Variants in EPHA6 observed in about 807,000 individuals in gnomAD.
EPHA6 encodes EPH receptor A6, also known as ephrin type-A receptor 6.
In EPHA6, 50 loss-of-function variants were observed where a neutral mutation model predicts 112.0. That is an observed-to-expected ratio of 0.45 (90% CI 0.36 to 0.56). The LOEUF (loss-of-function observed/expected upper bound fraction) is 0.56. EPHA6 is among the 20% of genes least tolerant of loss of function. The pLI is 0.00. For missense variants in EPHA6, 1,280 were observed against 1,417.4 expected, an observed-to-expected ratio of 0.90 and a Z score of 1.56; for synonymous variants, 529 against 490.7, an observed-to-expected ratio of 1.08 and a Z score of -1.03.
At chr3:97,429,955 G>A (rs1021802014) in intron 6 of EPHA6, among the ~76,000 whole-genome samples, 22 of 152,284 alleles carry the variant, frequency 1.4e-4, no homozygotes, top group Non-Finnish European at 2.9e-4. Flanking sequence ...GAGAATCTCT[G>A]CTCTAGGCAC....
chr3:97,351,398 T>C (rs2083807785), intron 5 of EPHA6, among the ~76,000 whole-genome samples: 1 of 152,236 alleles, frequency 6.6e-6, no homozygotes, highest in South Asian at 2.1e-4. Context: ...CAAATTCTGT[T>C]ATTTTTGTTA....
At chr3:97,512,336 T>C (rs2092380264) in intron 10 of EPHA6, among the ~76,000 whole-genome samples, 1 of 152,206 alleles carries the variant, frequency 6.6e-6, no homozygotes. Flanking sequence ...AAACTTTCAG[T>C]ATATTAAAAC....
chr3:97,006,064 T>G (rs1001393465), intron 3 of EPHA6, among the ~76,000 whole-genome samples: 5 of 152,204 alleles, frequency 3.3e-5, no homozygotes, highest in African/African-American at 1.2e-4. Context: ...TCAGGGATAT[T>G]GGCCTGAAGT....
At chr3:97,088,652 T>C (rs2046976335) in intron 3 of EPHA6, among the ~76,000 whole-genome samples, 1 of 152,214 alleles carries the variant, frequency 6.6e-6, no homozygotes. Flanking sequence ...TCCACAGTCT[T>C]CTGTTCCTCC....
At chr3:97,010,788 G>A (rs1452916142) in intron 3 of EPHA6, among the ~76,000 whole-genome samples, 1 of 152,120 alleles carries the variant, frequency 6.6e-6, no homozygotes, top group African/African-American at 2.4e-5. Context: ...CCTCCAAGTA[G>A]CTGGGACTAC....
chr3:97,107,407 A>G (rs2047599915), intron 3 of EPHA6, among the ~76,000 whole-genome samples: 2 of 152,066 alleles, frequency 1.3e-5, no homozygotes, highest in South Asian at 4.1e-4. Context: ...CTTTTGTTAT[A>G]CATCACTTTC....
At chr3:97,641,237 G>T (rs532208044) in intron 14 of EPHA6, among the ~76,000 whole-genome samples, 3 of 152,120 alleles carry the variant, frequency 2.0e-5, no homozygotes, top group African/African-American at 7.2e-5. Flanking sequence ...ATGATCATTG[G>T]CATTCTGTCA....
intron 12 of EPHA6, among the ~76,000 whole-genome samples, chr3:97,604,114 C>T (rs1168541191): frequency 1.3e-5 from 2 of 151,448 alleles, no homozygotes; most frequent in East Asian, 1.9e-4. Flanking sequence ...TAATAATATA[C>T]CTATATATAA....
At chr3:97,549,019 A>T (rs1577736433) in intron 11 of EPHA6, among the ~76,000 whole-genome samples, 1 of 152,358 alleles carries the variant, frequency 6.6e-6, no homozygotes, top group East Asian at 1.9e-4. Context: ...ATAAACAAAC[A>T]TACTGCACTG....
At chr3:97,602,965 A>T (rs1389615413) in intron 12 of EPHA6, among the ~76,000 whole-genome samples, 2 of 151,996 alleles carry the variant, frequency 1.3e-5, no homozygotes, top group African/African-American at 4.8e-5. Flanking sequence ...TTATTACATA[A>T]CCACTTCCTT....
intron 1 of EPHA6, among the ~76,000 whole-genome samples, chr3:96,853,373 T>G (rs1234250999): frequency 1.3e-5 from 2 of 152,056 alleles, no homozygotes; most frequent in Non-Finnish European, 2.9e-5. Context: ...ATATTTAACT[T>G]CAAAGATGTT....
intron 3 of EPHA6, among the ~76,000 whole-genome samples, chr3:97,003,464 G>A (rs72918211): frequency 0.013 from 1,999 of 152,196 alleles, 47 homozygotes; most frequent in African/African-American, 0.044. Flanking sequence ...AGCAGCCATC[G>A]TACCTTAGTG....
At chr3:97,064,409 T>G (rs1274421936) in intron 3 of EPHA6, among the ~76,000 whole-genome samples, 1 of 152,164 alleles carries the variant, frequency 6.6e-6, no homozygotes, top group African/African-American at 2.4e-5. Context: ...AGCCAACTTC[T>G]CTTTCTTCCT....
rs1393461698 is a variant in EPHA6 at position 97,541,319 on chromosome 3, A to G, written c.2386+8776A>G. Among the ~76,000 whole-genome samples, 10 of 152,322 alleles carry G rather than the reference A, an allele frequency of 6.6e-5. No individual in the cohort carries two copies. In the South Asian group the frequency reaches 1.7e-3, roughly 25 times the overall value. On this transcript the variant is annotated intron_variant, in intron 11 of 17. Transcript: ENST00000389672. ...AAGTTGTAAAAATATTACAGTTCTC[A>G]TATAACCTTCACTAACTTTCCCCTG...
chr3:97,164,161 T>C (rs1255168938), intron 3 of EPHA6, among the ~76,000 whole-genome samples: 3 of 152,180 alleles, frequency 2.0e-5, no homozygotes, highest in Non-Finnish European at 4.4e-5. Flanking sequence ...CCTATACACT[T>C]TCACTCAGAT....
At position 97,367,998 on chromosome 3, in the gene EPHA6, A is replaced by G. The variant is rs112183797; in HGVS notation, c.1607-37152A>G. ...ATAACACTACTTTCATGCTTCTTAA[A>G]TAATTCATTTGTACTTTCACAAGTT... On this transcript the variant is annotated intron_variant, in intron 5 of 17. Coordinates refer to ENST00000389672, the MANE Select transcript of EPHA6 (RefSeq NM_001080448.3). 2.7e-3 allele frequency among the ~76,000 whole-genome samples: 408 copies of G among 152,294 alleles called. 1 individual carries two copies. Among genetic ancestry groups the G allele is most frequent in the African/African-American group, 9.2e-3 (384 of 41,574 alleles).
chr3:97,380,849 A>G (rs914130310), intron 5 of EPHA6, among the ~76,000 whole-genome samples: 1 of 152,150 alleles, frequency 6.6e-6, no homozygotes, highest in Admixed American at 6.6e-5. Context: ...CATAATTAAA[A>G]CAACATCTGC....
Position 97,474,796 on chromosome 3 carries a change from A to G in EPHA6, c.1895-556A>G, listed in dbSNP as rs569430053. Among the ~76,000 whole-genome samples the G allele has an allele frequency of 1.3e-4, 20 of 152,104 alleles. No individual in the cohort carries two copies. The South Asian group carries it at 3.7e-3, about 28-fold the overall frequency. ...GAAGCTTTTAAACATCATTTTTCCA[A>G]TTATTGCTGATTAAACATCTAAGCA... On this transcript the variant is annotated intron_variant, in intron 7 of 17. Transcript: ENST00000389672.
intron 6 of EPHA6, among the ~76,000 whole-genome samples, chr3:97,414,351 T>C (rs950200158): frequency 6.6e-6 from 1 of 152,050 alleles, no homozygotes; most frequent in African/African-American, 2.4e-5. Context: ...TAATTGTTAA[T>C]CAGTACACCT....
Sources: gnomAD v4.1 joint callset for allele counts (sites outside exome capture counted in the v4.1 genomes callset) on GRCh38, gnomAD v4.1.1 for gene constraint, MANE v1.5 for transcripts, NCBI Gene and HGNC (gene_info 2026-07-23, HGNC 2026-07-21) for gene names.